The following ABCC4 variants were observed in gnomAD, a reference collection of about 807,000 sequenced individuals.
The protein encoded by ABCC4 is ATP binding cassette subfamily C member 4 (PEL blood group).
In ABCC4, 102 loss-of-function variants were observed where a neutral mutation model predicts 168.5. The ratio of observed to expected loss-of-function variants is 0.61; its 90% CI spans 0.52 to 0.71. The LOEUF (loss-of-function observed/expected upper bound fraction) is 0.71. Ranked by LOEUF, ABCC4 falls within the 30% of genes least tolerant of loss-of-function variation. The pLI, the probability that ABCC4 is intolerant of heterozygous loss-of-function variation, is 0.00. For synonymous variants in ABCC4, 617 were observed against 590.7 expected (o/e 1.04, Z -0.65); for missense variants, 1,402 against 1,605.8 (o/e 0.87, Z 2.17).
At chr13:95,292,241 C>G (rs1032086709) in intron 1 of ABCC4, among the ~76,000 whole-genome samples, 6 of 152,084 alleles carry the variant, frequency 3.9e-5, no homozygotes, top group Admixed American at 3.9e-4. Flanking sequence ...CACCTGTGGT[C>G]CCAGCTACTC....
chr13:95,208,408 C>T (rs2038847736), intron 6 of ABCC4, among the ~76,000 whole-genome samples: 1 of 151,240 alleles, frequency 6.6e-6, no homozygotes, highest in Admixed American at 6.6e-5. Context: ...ACTATTTCTC[C>T]AGATGGCAAA....
At chr13:95,290,871 C>T (rs1594452499) in intron 1 of ABCC4, among the ~76,000 whole-genome samples, 1 of 108,128 alleles carries the variant, frequency 9.2e-6, no homozygotes, top group African/African-American at 2.7e-5. Context: ...GTGGCAAGCA[C>T]CTGTAATCCC....
chr13:95,252,331 T>C (rs1383792975), intron 1 of ABCC4, among the ~76,000 whole-genome samples: 1 of 152,210 alleles, frequency 6.6e-6, no homozygotes, highest in Non-Finnish European at 1.5e-5. Context: ...TTTATTATCA[T>C]TGTTAATCTC....
At chr13:95,074,554 T>A (rs2033835735) in intron 22 of ABCC4, among the ~76,000 whole-genome samples, 1 of 152,172 alleles carries the variant, frequency 6.6e-6, no homozygotes, top group Admixed American at 6.5e-5. Context: ...CCCAGAAATA[T>A]GATCCTAATA....
At chr13:95,037,953 C>T (rs9524780) in intron 29 of ABCC4, among the ~76,000 whole-genome samples, 1 of 151,654 alleles carries the variant, frequency 6.6e-6, no homozygotes, top group African/African-American at 2.4e-5. Context: ...GCAACCTCCA[C>T]CTCCTGGACT....
At chr13:95,227,554 C>CCA (rs2039499834) in intron 4 of ABCC4, among the ~76,000 whole-genome samples, 1 of 152,148 alleles carries the variant, frequency 6.6e-6, no homozygotes, top group South Asian at 2.1e-4. Context: ...GAGATAACTT[C>CCA]CACACACACC....
chr13:95,276,524 AAAAG>A (rs1288589467), intron 1 of ABCC4, among the ~76,000 whole-genome samples: 3 of 151,860 alleles, frequency 2.0e-5, no homozygotes, highest in Non-Finnish European at 4.4e-5. Context: ...AAAAAAGAAA[AAAAG>A]AAAAAACCAA....
At chr13:95,199,869 C>T (rs2139657688) in intron 8 of ABCC4, among the ~76,000 whole-genome samples, 1 of 152,296 alleles carries the variant, frequency 6.6e-6, no homozygotes, top group Admixed American at 6.5e-5. Context: ...CCTGGCTGCC[C>T]CAAGCCACCT....
intron 1 of ABCC4, among the ~76,000 whole-genome samples, chr13:95,248,045 A>C (rs1313499695): frequency 1.3e-5 from 2 of 151,868 alleles, no homozygotes; most frequent in Admixed American, 6.6e-5. Context: ...ATTATCTAAA[A>C]GGAACCAGAG....
At chr13:95,151,578 GAGGAGAAGGAGAAGAAGGAGGAGGAGA>G (rs1566467952) in intron 19 of ABCC4, among the ~76,000 whole-genome samples, 2 of 146,292 alleles carry the variant, frequency 1.4e-5, no homozygotes, top group South Asian at 2.2e-4. Context: ...GAAGAAGGAG[GAGGAGAAGGAGAAGAAGGAGGAGGAGA>G]AGGAGAAGGA....
At chr13:95,066,533 T>C (rs1242872953) in intron 25 of ABCC4, among the ~76,000 whole-genome samples, 3 of 152,198 alleles carry the variant, frequency 2.0e-5, no homozygotes, top group Non-Finnish European at 2.9e-5. Flanking sequence ...GCTTGAAACA[T>C]TTATGGGAAA....
intron 7 of ABCC4, among the ~76,000 whole-genome samples, chr13:95,207,170 G>A (rs1003602150): frequency 6.6e-6 from 1 of 152,212 alleles, no homozygotes; most frequent in African/African-American, 2.4e-5. Flanking sequence ...TAGGATTACA[G>A]GCATGTGCCA....
intron 19 of ABCC4, among the ~76,000 whole-genome samples, chr13:95,117,905 C>T (rs769401682): frequency 6.6e-6 from 1 of 151,822 alleles, no homozygotes; most frequent in Non-Finnish European, 1.5e-5. Context: ...ATAGCGAGAC[C>T]TCATCTCTAC....
intron 4 of ABCC4, among the ~76,000 whole-genome samples, chr13:95,234,228 T>C (rs188616012): frequency 5.2e-4 from 79 of 152,304 alleles, no homozygotes; most frequent in Admixed American, 4.6e-3. Context: ...AATACAACTA[T>C]GAGATTGAGG....
At position 95,203,966 on chromosome 13, in the gene ABCC4, G is replaced by A. The variant is rs114742734; in HGVS notation, c.1161+2566C>T. Among the ~76,000 whole-genome samples, 873 of 152,260 alleles carry A rather than the reference G, an allele frequency of 5.7e-3. 8 individuals are homozygous for A. Among genetic ancestry groups the A allele is most frequent in the African/African-American group, 0.02 (819 of 41,538 alleles). On this transcript the variant is annotated intron_variant, in intron 8 of 30. Transcript: ENST00000645237. ...GACTTTTGCTAAGGTTGCTGCTTCT[G>A]TCCATCCAGCATTTGGTGCCCATTA... is the stretch of plus-strand genomic sequence containing the variant.
intron 21 of ABCC4, 173 bp from the exon 22 acceptor site, chr13:95,075,724 G>T: frequency 1.3e-6 from 1 of 746,302 alleles, no homozygotes. Flanking sequence ...CCTGCCACTG[G>T]AATCTCAAGC....
At chr13:95,060,408 G>A (rs2033241916) in intron 26 of ABCC4, among the ~76,000 whole-genome samples, 1 of 152,178 alleles carries the variant, frequency 6.6e-6, no homozygotes, top group Non-Finnish European at 1.5e-5. Flanking sequence ...TTTATTTAGA[G>A]TTCTTTTATG....
In ABCC4 at chr13:95,266,814, C is replaced by A. The variant is rs556495339; in HGVS notation, c.75-19061G>T. On this transcript the variant is annotated intron_variant, in intron 1 of 30. Transcript: ENST00000645237. ...CCAGCTGATATGGTTTGGTTGTGTCCCTACTCAAATCTCTTTTTTTTTTTT... is the reference window on the plus strand; with the variant it reads ...CCAGCTGATATGGTTTGGTTGTGTCACTACTCAAATCTCTTTTTTTTTTTT... Among the ~76,000 whole-genome samples, 259 of 147,660 alleles carry A rather than the reference C, an allele frequency of 1.8e-3. 2 individuals carry two copies. The highest frequency in any genetic ancestry group is 6.9e-3 in the Middle Eastern group (2 of 290).
At chr13:95,229,965 G>T (rs559119106) in intron 4 of ABCC4, among the ~76,000 whole-genome samples, 1 of 152,182 alleles carries the variant, frequency 6.6e-6, no homozygotes, top group South Asian at 2.1e-4. Flanking sequence ...CACATCCCCT[G>T]CTTCTGTGTC....
Sources: allele counts gnomAD v4.1 joint callset (sites outside exome capture counted in the v4.1 genomes callset), GRCh38; gene constraint gnomAD v4.1.1; transcripts MANE v1.5; gene names NCBI Gene and HGNC (gene_info 2026-07-23, HGNC 2026-07-21).